TCFL5: variants seen among roughly 807,000 people sequenced by gnomAD.
The protein encoded by TCFL5 is transcription factor-like 5 protein.
A neutral mutation model predicts 44.3 loss-of-function variants in TCFL5; 9 were observed. The observed-to-expected ratio is 0.20, with a 90% CI of 0.12 to 0.35. The LOEUF (loss-of-function observed/expected upper bound fraction) is 0.35, where lower values mean the gene tolerates loss of function less well. TCFL5 is among the 10% of genes least tolerant of loss of function. The pLI is 1.00. For missense variants in TCFL5, 603 were observed against 613.4 expected, an observed-to-expected ratio of 0.98 and a Z score of 0.18; for synonymous variants, 319 against 271.6, an observed-to-expected ratio of 1.17 and a Z score of -1.72.
chr20:62,858,523 G>A (rs1162616601), intron 3 of TCFL5, among the ~76,000 whole-genome samples: 1 of 152,232 alleles, frequency 6.6e-6, no homozygotes, highest in Non-Finnish European at 1.5e-5. Context: ...GGGAGAAGGC[G>A]GTAGCTCTTC....
rs1187767871 is a variant in TCFL5 at position 62,859,461 on chromosome 20, T to C, written c.897A>G (p.Ala299=). ...TTTCTTGCTGATAACAGAAAGAAAA[T>C]GCTCTAGGCAATCCAATATCCTGGT... The part of the protein sequence containing the change: ...AKHQDIGLPR[A]FSFCYQQEIE... The change falls in exon 3 of 6, where the codon GCA becomes GCG. Residue 299 remains alanine, a synonymous_variant. Coordinates refer to ENST00000335351, the MANE Select transcript of TCFL5 (RefSeq NM_006602.4). The C allele has an allele frequency of 6.2e-7, 1 of 1,614,140 alleles. No homozygotes were observed. Among genetic ancestry groups the C allele is most frequent in the South Asian group, 1.1e-5 (1 of 91,082 alleles).
At position 62,841,939 on chromosome 20, in the gene TCFL5, G is replaced by A; in HGVS notation, c.*36C>T. On this transcript the variant is annotated 3_prime_UTR_variant, in exon 6 of 6. Coordinates refer to ENST00000335351, the MANE Select transcript of TCFL5 (RefSeq NM_006602.4). ...AGGCGTGCACAGGTCACGAAGGAAT[G>A]GCTGTTCACCCCCCGAGGATTCCTG... 8 of 1,612,108 alleles carry A rather than the reference G, an allele frequency of 5.0e-6. No homozygotes were observed. The highest frequency in any genetic ancestry group is 6.8e-6 in the Non-Finnish European group (8 of 1,179,572).
Position 62,842,237 on chromosome 20 carries a change from T to C in TCFL5, c.1381-140A>G. On this transcript the variant is annotated intron_variant, in intron 5 of 5. Transcript: ENST00000335351. The surrounding 1 kb of genome is among the most constrained non-coding windows in gnomAD (Gnocchi z 4.3). Reference sequence around the variant, plus strand: ...TTTTAAGGTGTCATTCACAAACTTGTGTCTTACCTCACAAGGGGATTTATA... The same window carrying C: ...TTTTAAGGTGTCATTCACAAACTTGCGTCTTACCTCACAAGGGGATTTATA... 9.1e-7 allele frequency: 1 copy of C among 1,096,826 alleles called. No individual in the cohort carries two copies. Among genetic ancestry groups the C allele is most frequent in the Non-Finnish European group, 1.3e-6 (1 of 776,300 alleles). The allele number at this position is 1,096,826 out of a possible 1,614,324, so 67.9% of individuals were successfully genotyped here.
intron 5 of TCFL5, among the ~76,000 whole-genome samples, chr20:62,843,435 G>A (rs907250970): frequency 7.9e-5 from 12 of 152,076 alleles, no homozygotes; most frequent in African/African-American, 2.9e-4. Context: ...TTCAGCGGGG[G>A]TGGGAGGGCG....
In TCFL5 at chr20:62,842,056, T is replaced by C; in HGVS notation, c.1422A>G (p.Leu474=). The change falls in exon 6 of 6, where the codon CTA becomes CTG. Residue 474 remains leucine (L), a synonymous_variant. Coordinates refer to ENST00000335351, the MANE Select transcript of TCFL5 (RefSeq NM_006602.4). This position sits in a 1 kb window ranked among gnomAD's most constrained non-coding sequence, Gnocchi z 4.3. Reference sequence around the variant, plus strand: ...CCAAGGAGTCCGGTCTGGTCAGCTTTAGCCTTCGGCCAGTTTTACCGCAAA... The same window carrying C: ...CCAAGGAGTCCGGTCTGGTCAGCTTCAGCCTTCGGCCAGTTTTACCGCAAA... ...SVFCGKTGRR[L]KLTRPDSLVT... The C allele has an allele frequency of 6.2e-7, 1 of 1,614,244 alleles. No individual in the cohort carries two copies. The highest frequency in any genetic ancestry group is 8.5e-7 in the Non-Finnish European group (1 of 1,180,040).
intron 5 of TCFL5, chr20:62,852,627 T>C (rs951437008): frequency 1.0e-6 from 1 of 985,250 alleles, no homozygotes; most frequent in Non-Finnish European, 1.2e-6. Context: ...TCCTCCCTAG[T>C]CACCCAGTCC....
In TCFL5 at chr20:62,861,171, G is replaced by A. The variant is rs1448421816; in HGVS notation, c.500C>T (p.Ala167Val). 3 of 1,020,132 alleles carry A rather than the reference G, an allele frequency of 2.9e-6. No homozygotes were observed. Among genetic ancestry groups the A allele is most frequent in the East Asian group, 9.6e-5 (1 of 10,378 alleles). The allele number at this position is 1,020,132 out of a possible 1,614,324, so 63.2% of individuals were successfully genotyped here. A position where few individuals can be genotyped will look rare whatever the true frequency, so the allele number is the denominator to read the frequency against. The change falls in exon 1 of 6, where the codon GCT becomes GTT. Residue 167 changes from alanine to valine, a missense_variant. By Grantham distance (64) the Ala-to-Val change is moderately conservative. This residue lies in a region of TCFL5 where 540 missense variants were observed against 478.7 expected (regional missense o/e 1.13). Coordinates refer to ENST00000335351, the MANE Select transcript of TCFL5 (RefSeq NM_006602.4). The surrounding 1 kb of genome is among the most constrained non-coding windows in gnomAD (Gnocchi z 4.0). ...AAKEGAGAAA[A>V]AAGPDGAPEA... is the part of the protein sequence containing the mutation. ...GGGCGCGCCGTCGGGTCCAGCCGCA[G>A]CCGCAGCCGCGCCCGCGCCCTCCTT...
Position 62,861,368 on chromosome 20 carries a change from G to T in TCFL5, c.303C>A (p.Gly101=). 9.4e-7 allele frequency: 1 copy of T among 1,066,826 alleles called. No individual in the cohort carries two copies. Among genetic ancestry groups the T allele is most frequent in the Middle Eastern group, 4.2e-4 (1 of 2,396 alleles). 66.1% of individuals were successfully genotyped at this position (1,066,826 alleles called of 1,614,324 possible). A position where few individuals can be genotyped will look rare whatever the true frequency, so the allele number is the denominator to read the frequency against. Residue 101 remains glycine, a synonymous_variant, in exon 1 of 6, where the codon GGC becomes GGA. Transcript: ENST00000335351. The surrounding 1 kb of genome is among the most constrained non-coding windows in gnomAD (Gnocchi z 4.0). ...ACAGCACGGGGTACACGGGCGCCGCGCCCCCCTGACCGCCCGCCGCGAAGC... is the reference window on the plus strand; with the variant it reads ...ACAGCACGGGGTACACGGGCGCCGCTCCCCCCTGACCGCCCGCCGCGAAGC... ...AGGFAAGGQG[G]AAPVYPVLCP...
At chr20:62,860,796 A>C (rs541807709) in intron 1 of TCFL5, among the ~76,000 whole-genome samples, 6 of 152,168 alleles carry the variant, frequency 3.9e-5, no homozygotes, top group African/African-American at 1.4e-4. Flanking sequence ...AGGCGGGGCC[A>C]CTGAGGGAGG....
At chr20:62,843,568 G>A (rs564863404) in intron 5 of TCFL5, among the ~76,000 whole-genome samples, 11 of 152,224 alleles carry the variant, frequency 7.2e-5, no homozygotes, top group Non-Finnish European at 7.4e-5. Flanking sequence ...CATTCTACAC[G>A]ATTAAATCCA....
At position 62,859,432 on chromosome 20, in the gene TCFL5, T is replaced by C; in HGVS notation, c.926A>G (p.Glu309Gly). 2 of 1,614,142 alleles carry C rather than the reference T, an allele frequency of 1.2e-6. No homozygotes were observed. Among genetic ancestry groups the C allele is most frequent in the Non-Finnish European group, 1.7e-6 (2 of 1,179,992 alleles). ...ACTACCTAACGTCTGTTTAGTGGATTCAATTTCTTGCTGATAACAGAAAGA... is the reference window on the plus strand; with the variant it reads ...ACTACCTAACGTCTGTTTAGTGGATCCAATTTCTTGCTGATAACAGAAAGA... ...AFSFCYQQEI[E>G]STKQTLGSRN... The change falls in exon 3 of 6, where the codon GAA becomes GGA. Residue 309 changes from glutamate to glycine, a missense_variant. This residue lies in a region of TCFL5 where 540 missense variants were observed against 478.7 expected (regional missense o/e 1.13). Transcript: ENST00000335351.
chr20:62,860,195 T>C lies in TCFL5; in HGVS notation c.761A>G (p.Gln254Arg). ...TGTAGTAAACAGTGGGTATGTAAAT[T>C]GCAAAGCAGTAGTTGTAGCCGCAGT... ...NKTAATTTAL[Q>R]FTYPLFTTNA... The change falls in exon 2 of 6, where the codon CAA becomes CGA. Residue 254 changes from glutamine (Q) to arginine (R), a missense_variant. Physicochemically the swap from Gln to Arg is conservative, Grantham distance 43. Coordinates refer to ENST00000335351, the MANE Select transcript of TCFL5 (RefSeq NM_006602.4). The C allele has an allele frequency of 6.2e-7, 1 of 1,613,938 alleles. No individual in the cohort carries two copies. The highest frequency in any genetic ancestry group is 8.5e-7 in the Non-Finnish European group (1 of 1,179,824).
Position 62,841,750 on chromosome 20 carries a change from T to C in TCFL5, c.*225A>G. On this transcript the variant is annotated 3_prime_UTR_variant, in exon 6 of 6. Coordinates refer to ENST00000335351, the MANE Select transcript of TCFL5 (RefSeq NM_006602.4). ...AATTAATTATTACTAATTATTAAGATGGCTTCATCCCCAAATGGTCTAAGA... is the reference window on the plus strand; with the variant it reads ...AATTAATTATTACTAATTATTAAGACGGCTTCATCCCCAAATGGTCTAAGA... 2 of 372,424 alleles carry C rather than the reference T, an allele frequency of 5.4e-6. No individual in the cohort carries two copies. Among genetic ancestry groups the C allele is most frequent in the Non-Finnish European group, 9.5e-6 (2 of 210,414 alleles). 23.1% of individuals were successfully genotyped at this position (372,424 alleles called of 1,614,324 possible).
rs11351521 is a variant in TCFL5, at chr20:62,847,181, C to CA, written c.1381-5085dup. On this transcript the variant is annotated intron_variant, in intron 5 of 5. Transcript: ENST00000335351. ...CTGGGCAACGAGTGAAACTTCATCTCAAAAAAAAAAAAAAAAAATTACAAG... is the reference window on the plus strand; with the variant it reads ...CTGGGCAACGAGTGAAACTTCATCTCAAAAAAAAAAAAAAAAAAATTACAAG... 3.7e-3 allele frequency among the ~76,000 whole-genome samples: 374 copies of CA among 100,178 alleles called. 1 individual carries two copies. The highest frequency in any genetic ancestry group is 0.028 in the South Asian group (87 of 3,130). The allele number at this position is 100,178 out of a possible 152,430, so 65.7% of individuals were successfully genotyped here.
In TCFL5 at chr20:62,842,220, T is replaced by TATTCACAAG; in HGVS notation, c.1381-124_1381-123insCTTGTGAAT. ...GACTTTAGAATACGCTGTTTTAAGGTGTCATTCACAAACTTGTGTCTTACC... is the reference window on the plus strand; with the variant it reads ...GACTTTAGAATACGCTGTTTTAAGGTATTCACAAGGTCATTCACAAACTTGTGTCTTACC... On this transcript the variant is annotated intron_variant, in intron 5 of 5. Coordinates refer to ENST00000335351, the MANE Select transcript of TCFL5 (RefSeq NM_006602.4). This position sits in a 1 kb window ranked among gnomAD's most constrained non-coding sequence, Gnocchi z 4.3. The TATTCACAAG allele has an allele frequency of 7.9e-7, 1 of 1,263,068 alleles. No homozygotes were observed. The highest frequency in any genetic ancestry group is 1.1e-6 in the Non-Finnish European group (1 of 919,372). 78.2% of individuals were successfully genotyped at this position (1,263,068 alleles called of 1,614,324 possible).
intron 4 of TCFL5, among the ~76,000 whole-genome samples, chr20:62,854,776 A>C (rs1262768625): frequency 6.6e-6 from 1 of 152,240 alleles, no homozygotes; most frequent in African/African-American, 2.4e-5. Flanking sequence ...GCAAAGTCCT[A>C]AACAAGCAGA....
intron 3 of TCFL5, among the ~76,000 whole-genome samples, chr20:62,859,114 T>TAAA (rs1263116440): frequency 6.6e-6 from 1 of 152,226 alleles, no homozygotes; most frequent in Admixed American, 6.5e-5. Flanking sequence ...TCTATCACTT[T>TAAA]ACTGTTAAGA....
Position 62,854,082 on chromosome 20 carries a change from T to A in TCFL5, c.1314A>T (p.Thr438=). The change falls in exon 5 of 6, where the codon ACA becomes ACT. Residue 438 remains threonine (T), a synonymous_variant. Coordinates refer to ENST00000335351, the MANE Select transcript of TCFL5 (RefSeq NM_006602.4). ...PFCNAETDKA[T]TLQWTTAFLK... is the part of the protein sequence containing the mutation. ...GGAATGCTGTGGTCCACTGCAGAGT[T>A]GTGGCCTTGTCAGTCTCGGCATTGC... The A allele has an allele frequency of 6.2e-7, 1 of 1,614,158 alleles. No individual in the cohort carries two copies. The highest frequency in any genetic ancestry group is 8.5e-7 in the Non-Finnish European group (1 of 1,180,042).
At chr20:62,849,496 C>T (rs1314447580) in intron 5 of TCFL5, among the ~76,000 whole-genome samples, 1 of 152,128 alleles carries the variant, frequency 6.6e-6, no homozygotes, top group Non-Finnish European at 1.5e-5. Flanking sequence ...AGCTTGAAAA[C>T]TGTCATCAAA....
Sources: allele counts gnomAD v4.1 joint callset (sites outside exome capture counted in the v4.1 genomes callset), GRCh38; gene constraint gnomAD v4.1.1; regional missense constraint gnomAD v4.1.1; non-coding constraint Gnocchi (gnomAD v3.1); transcripts MANE v1.5; gene names NCBI Gene and HGNC (gene_info 2026-07-23, HGNC 2026-07-21).